The following PURB variants were observed in gnomAD, a reference collection of about 807,000 sequenced individuals.
PURB encodes the protein transcriptional regulator protein Pur-beta.
A neutral mutation model predicts 21.1 loss-of-function variants in PURB; 11 were observed. The observed-to-expected ratio is 0.52, with a 90% CI of 0.33 to 0.86. PURB has a LOEUF of 0.86. Ranked by LOEUF, PURB falls within the 40% of genes least tolerant of loss-of-function variation. The pLI is 0.02. For synonymous variants in PURB, 246 were observed against 210.8 expected (o/e 1.17, Z -1.45); for missense variants, 357 against 456.5 (o/e 0.78, Z 1.99).
chr7:44,884,647 G>T lies in PURB; in HGVS notation c.702C>A (p.Phe234Leu). The T allele has an allele frequency of 6.2e-7, 1 of 1,614,168 alleles. No individual in the cohort carries two copies. The highest frequency in any genetic ancestry group is 8.5e-7 in the Non-Finnish European group (1 of 1,180,034). ...SITVDSKRFF[F>L]DVGCNKYGVF... is the part of the protein sequence containing the mutation. ...CCCCGTATTTGTTGCAGCCCACATC[G>T]AAGAAGAAGCGCTTGGAGTCCACGG... is the stretch of plus-strand genomic sequence containing the variant. Residue 234 changes from phenylalanine to leucine, a missense_variant, in exon 1 of 1, where the codon TTC becomes TTA. Transcript: ENST00000395699.
Position 44,885,174 on chromosome 7 carries a change from G to A in PURB, c.175C>T (p.Leu59Phe). ...CCCGCGCCCACCTCGGCGATCTTGA[G>A]GAAGCGGCCCTTGGCGTTCTGCTTC... ...DVKQNAKGRFLKIAEVGAGGS... is the reference protein window; with the variant it reads ...DVKQNAKGRFFKIAEVGAGGS... Residue 59 changes from leucine to phenylalanine, a missense_variant, in exon 1 of 1, where the codon CTC becomes TTC. Transcript: ENST00000395699. 1 of 1,585,318 alleles carries A rather than the reference G, an allele frequency of 6.3e-7. No individual in the cohort carries two copies. Among genetic ancestry groups the A allele is most frequent in the Non-Finnish European group, 8.5e-7 (1 of 1,170,466 alleles).
At position 44,884,220 on chromosome 7, in the gene PURB, A is replaced by C. The variant is rs1282240597; in HGVS notation, c.*190T>G. ...GTTGCTGTCAGTTCCTTGGAACTTG[A>C]CTGCTTTTCTCAAGTTGTCCGTCAC... is the stretch of plus-strand genomic sequence containing the variant. On this transcript the variant is annotated 3_prime_UTR_variant, in exon 1 of 1. Coordinates refer to ENST00000395699, the MANE Select transcript of PURB (RefSeq NM_033224.5). 1 of 1,333,556 alleles carries C rather than the reference A, an allele frequency of 7.5e-7. No homozygotes were observed. The highest frequency in any genetic ancestry group is 9.9e-7 in the Non-Finnish European group (1 of 1,010,410). 82.6% of individuals were successfully genotyped at this position (1,333,556 alleles called of 1,614,324 possible). A position where few individuals can be genotyped will look rare whatever the true frequency, so the allele number is the denominator to read the frequency against.
Position 44,884,772 on chromosome 7 carries a change from A to G in PURB, c.577T>C (p.Tyr193His). The change falls in exon 1 of 1, where the codon TAC (tyrosine) becomes CAC (histidine). Residue 193 changes from tyrosine to histidine, a missense_variant. Physicochemically the swap from Tyr to His is moderately conservative, Grantham distance 83 (BLOSUM62 2). Coordinates refer to ENST00000395699, the MANE Select transcript of PURB (RefSeq NM_033224.5). ...GCCAGCTCGTCGTCCTCGCCTCCGT[A>G]GTCGTCTATGAGCTTCGCCAGCGCG... Reference protein sequence around the residue: ...RDALAKLIDDYGGEDDELAGG... With the variant: ...RDALAKLIDDHGGEDDELAGG... The G allele has an allele frequency of 1.2e-6, 2 of 1,609,972 alleles. No homozygotes were observed. The highest frequency in any genetic ancestry group is 1.7e-6 in the Non-Finnish European group (2 of 1,178,880).
chr7:44,880,560 A>G lies in PURB; in HGVS notation c.*3850T>C, dbSNP rs1044364506. On this transcript the variant is annotated 3_prime_UTR_variant, in exon 1 of 1. Transcript: ENST00000395699. ...ATTTAACAAAGCATCTTCAGCAACT[A>G]CAGTGCCTGAAGTGTGCAGCCGTTT... is the stretch of plus-strand genomic sequence containing the variant. 6.5e-6 allele frequency: 1 copy of G among 152,674 alleles called. No individual in the cohort carries two copies. The highest frequency in any genetic ancestry group is 1.5e-5 in the Non-Finnish European group (1 of 68,054). The allele number at this position is 152,674 out of a possible 1,614,324, so 9.5% of individuals were successfully genotyped here. A position where few individuals can be genotyped will look rare whatever the true frequency, so the allele number is the denominator to read the frequency against.
At position 44,883,630 on chromosome 7, in the gene PURB, C is replaced by T. The variant is rs1793911912; in HGVS notation, c.*780G>A. The T allele has an allele frequency of 6.6e-6, 1 of 152,598 alleles. No homozygotes were observed. The highest frequency in any genetic ancestry group is 1.9e-4 in the East Asian group (1 of 5,202). The allele number at this position is 152,598 out of a possible 1,614,324, so 9.5% of individuals were successfully genotyped here. ...GCTTTTATCTTTGAAAATTTTTTGT[C>T]AACTTTGAAACTATTTTAGTAACGG... On this transcript the variant is annotated 3_prime_UTR_variant, in exon 1 of 1. Coordinates refer to ENST00000395699, the MANE Select transcript of PURB (RefSeq NM_033224.5).
In PURB at chr7:44,881,673, A is replaced by G. The variant is rs932509812; in HGVS notation, c.*2737T>C. 2.0e-5 allele frequency: 3 copies of G among 153,110 alleles called. No homozygotes were observed. Among genetic ancestry groups the G allele is most frequent in the Admixed American group, 1.3e-4 (2 of 15,284 alleles). 9.5% of individuals were successfully genotyped at this position (153,110 alleles called of 1,614,324 possible). A position where few individuals can be genotyped will look rare whatever the true frequency, so the allele number is the denominator to read the frequency against. ...AGGATTTTCAAATTGATATCTAAAG[A>G]TTTACATATGATATATTACTGTTAC... On this transcript the variant is annotated 3_prime_UTR_variant, in exon 1 of 1. Transcript: ENST00000395699.
rs1282682155 is a variant in PURB, at chr7:44,878,485, T to C, written c.*5925A>G. The C allele has an allele frequency of 2.6e-5, 4 of 152,418 alleles. No individual in the cohort carries two copies. The highest frequency in any genetic ancestry group is 4.4e-5 in the Non-Finnish European group (3 of 68,038). The allele number at this position is 152,418 out of a possible 1,614,324, so 9.4% of individuals were successfully genotyped here. On this transcript the variant is annotated 3_prime_UTR_variant, in exon 1 of 1. Transcript: ENST00000395699. ...AATAAAGCTCTGCTCTTATTAGAAATCATATTGAGCAGTGAAACTACCAAT... is the reference window on the plus strand; with the variant it reads ...AATAAAGCTCTGCTCTTATTAGAAACCATATTGAGCAGTGAAACTACCAAT...
rs780152000 is a variant in PURB, at chr7:44,884,882, C to T, written c.467G>A (p.Gly156Asp). Residue 156 changes from glycine to aspartate, a missense_variant, in exon 1 of 1, where the codon GGC (glycine) becomes GAC (aspartate). Coordinates refer to ENST00000395699, the MANE Select transcript of PURB (RefSeq NM_033224.5). ...IRQTVNRGGG[G>D]FGAGPGPGGL... Reference sequence around the variant, plus strand: ...GCCCGGCCCGGGGCCCGCGCCGAAGCCGCCACCGCCGCGGTTGACCGTTTG... The same window carrying T: ...GCCCGGCCCGGGGCCCGCGCCGAAGTCGCCACCGCCGCGGTTGACCGTTTG... 4 of 1,559,034 alleles carry T rather than the reference C, an allele frequency of 2.6e-6. No individual in the cohort carries two copies. In the South Asian group the frequency reaches 3.5e-5, roughly 14 times the overall value.
Position 44,883,917 on chromosome 7 carries a change from G to A in PURB, c.*493C>T, listed in dbSNP as rs1793916711. 6.4e-6 allele frequency: 1 copy of A among 157,056 alleles called. No homozygotes were observed. Among genetic ancestry groups the A allele is most frequent in the South Asian group, 1.8e-4 (1 of 5,544 alleles). 9.7% of individuals were successfully genotyped at this position (157,056 alleles called of 1,614,324 possible). Reference sequence around the variant, plus strand: ...AGGCCTCTCTTCTCAAGGATTCCATGAAGACCTAGATCCAAAATGCTGATT... The same window carrying A: ...AGGCCTCTCTTCTCAAGGATTCCATAAAGACCTAGATCCAAAATGCTGATT... On this transcript the variant is annotated 3_prime_UTR_variant, in exon 1 of 1. Coordinates refer to ENST00000395699, the MANE Select transcript of PURB (RefSeq NM_033224.5).
Position 44,884,121 on chromosome 7 carries a change from G to C in PURB, c.*289C>G, listed in dbSNP as rs185001470. The C allele has an allele frequency of 1.7e-6, 1 of 574,838 alleles. No individual in the cohort carries two copies. Among genetic ancestry groups the C allele is most frequent in the African/African-American group, 1.9e-5 (1 of 53,272 alleles). 35.6% of individuals were successfully genotyped at this position (574,838 alleles called of 1,614,324 possible). Reference sequence around the variant, plus strand: ...CCAGGGATTATCCTGATGGGTTTACGAACCTCAGTTGAGAAACAACAGAAG... The same window carrying C: ...CCAGGGATTATCCTGATGGGTTTACCAACCTCAGTTGAGAAACAACAGAAG... On this transcript the variant is annotated 3_prime_UTR_variant, in exon 1 of 1. Transcript: ENST00000395699.
At position 44,876,664 on chromosome 7, in the gene PURB, C is replaced by T. The variant is rs115194888; in HGVS notation, c.*7746G>A. The T allele has an allele frequency of 5.2e-5, 8 of 152,756 alleles. No individual in the cohort carries two copies. The East Asian group carries it at 1.5e-3, about 29-fold the overall frequency. The allele number at this position is 152,756 out of a possible 1,614,324, so 9.5% of individuals were successfully genotyped here. A position where few individuals can be genotyped will look rare whatever the true frequency, so the allele number is the denominator to read the frequency against. On this transcript the variant is annotated 3_prime_UTR_variant, in exon 1 of 1. Transcript: ENST00000395699. ...ATTTCTGAATGGGTACTGCACTTCA[C>T]AGATTTGTTTGAATTGCCCATGCAG...
At position 44,881,860 on chromosome 7, in the gene PURB, C is replaced by G. The variant is rs547482196; in HGVS notation, c.*2550G>C. 6.5e-6 allele frequency: 1 copy of G among 154,794 alleles called. No individual in the cohort carries two copies. The highest frequency in any genetic ancestry group is 1.9e-4 in the East Asian group (1 of 5,186). 9.6% of individuals were successfully genotyped at this position (154,794 alleles called of 1,614,324 possible). A position where few individuals can be genotyped will look rare whatever the true frequency, so the allele number is the denominator to read the frequency against. On this transcript the variant is annotated 3_prime_UTR_variant, in exon 1 of 1. Transcript: ENST00000395699. Reference sequence around the variant, plus strand: ...TGGTGAAGGATTGTGAAGACCCTGTCATTTCTACAGAATAGAAAGGCAAGG... The same window carrying G: ...TGGTGAAGGATTGTGAAGACCCTGTGATTTCTACAGAATAGAAAGGCAAGG...
Position 44,885,025 on chromosome 7 carries a change from G to T in PURB, c.324C>A (p.Gly108=), listed in dbSNP as rs768320921. ...GPSSPEQLAA[G]AEEGGGPRRA... ...GCCGCGGCCCGCCGCCCTCCTCGGC[G>T]CCAGCCGCCAGCTGCTCGGGGCTGC... Residue 108 remains glycine (G), a synonymous_variant, in exon 1 of 1, where the codon GGC becomes GGA. Coordinates refer to ENST00000395699, the MANE Select transcript of PURB (RefSeq NM_033224.5). 6.5e-7 allele frequency: 1 copy of T among 1,544,188 alleles called. No individual in the cohort carries two copies. Among genetic ancestry groups the T allele is most frequent in the Non-Finnish European group, 8.7e-7 (1 of 1,146,878 alleles).
Position 44,880,076 on chromosome 7 carries a change from T to C in PURB, c.*4334A>G, listed in dbSNP as rs374836181. 3.9e-5 allele frequency: 6 copies of C among 152,194 alleles called. No individual in the cohort carries two copies. The highest frequency in any genetic ancestry group is 3.8e-4 in the East Asian group (2 of 5,202). 9.4% of individuals were successfully genotyped at this position (152,194 alleles called of 1,614,324 possible). A position where few individuals can be genotyped will look rare whatever the true frequency, so the allele number is the denominator to read the frequency against. On this transcript the variant is annotated 3_prime_UTR_variant, in exon 1 of 1. Transcript: ENST00000395699. The stretch of plus-strand genomic sequence containing the variant: ...CACCACTATATTCTAAAACCTGAGA[T>C]TGGACATCAAAACAGTCAACTTTGT...
At position 44,885,446 on chromosome 7, in the gene PURB, C is replaced by G. The variant is rs1447924554; in HGVS notation, c.-98G>C. 3.3e-6 allele frequency: 1 copy of G among 302,712 alleles called. No individual in the cohort carries two copies. Among genetic ancestry groups the G allele is most frequent in the Non-Finnish European group, 4.8e-6 (1 of 206,410 alleles). 18.8% of individuals were successfully genotyped at this position (302,712 alleles called of 1,614,324 possible). On this transcript the variant is annotated 5_prime_UTR_variant, in exon 1 of 1. Coordinates refer to ENST00000395699, the MANE Select transcript of PURB (RefSeq NM_033224.5). ...CCCCCAGCCTCGCCCGCCCGGCTCG[C>G]TCACGCGCTCCCGCCGCTCATCGCC...
chr7:44,880,962 T>C lies in PURB; in HGVS notation c.*3448A>G, dbSNP rs1172022612. 6.6e-6 allele frequency: 1 copy of C among 152,656 alleles called. No individual in the cohort carries two copies. Among genetic ancestry groups the C allele is most frequent in the Non-Finnish European group, 1.5e-5 (1 of 68,054 alleles). 9.5% of individuals were successfully genotyped at this position (152,656 alleles called of 1,614,324 possible). A position where few individuals can be genotyped will look rare whatever the true frequency, so the allele number is the denominator to read the frequency against. On this transcript the variant is annotated 3_prime_UTR_variant, in exon 1 of 1. Transcript: ENST00000395699. ...CATACAGATTTATATTTTGTTCTTG[T>C]GCAGCATATGCACTGAAAAACTTGC...
Position 44,884,272 on chromosome 7 carries a change from C to A in PURB, c.*138G>T. ...GTTCTCTTACGATTATTTCTCTTAA[C>A]TGTGTTACGTTTTGTTTTTTCCCTC... On this transcript the variant is annotated 3_prime_UTR_variant, in exon 1 of 1. Transcript: ENST00000395699. 1 of 1,456,060 alleles carries A rather than the reference C, an allele frequency of 6.9e-7. No individual in the cohort carries two copies. The highest frequency in any genetic ancestry group is 1.4e-5 in the South Asian group (1 of 70,636). 90.2% of individuals were successfully genotyped at this position (1,456,060 alleles called of 1,614,324 possible). A position where few individuals can be genotyped will look rare whatever the true frequency, so the allele number is the denominator to read the frequency against.
At position 44,880,492 on chromosome 7, in the gene PURB, T is replaced by C. The variant is rs1277757368; in HGVS notation, c.*3918A>G. 1.3e-5 allele frequency: 2 copies of C among 152,680 alleles called. No individual in the cohort carries two copies. The highest frequency in any genetic ancestry group is 1.5e-5 in the Non-Finnish European group (1 of 68,060). 9.5% of individuals were successfully genotyped at this position (152,680 alleles called of 1,614,324 possible). On this transcript the variant is annotated 3_prime_UTR_variant, in exon 1 of 1. Coordinates refer to ENST00000395699, the MANE Select transcript of PURB (RefSeq NM_033224.5). ...GCAAGATAGATGCAAAGTCACCTTG[T>C]GTAGATTACATTCTACACCCCTGTA...
Position 44,885,521 on chromosome 7 carries a change from G to A in PURB, c.-173C>T, listed in dbSNP as rs2128692592. On this transcript the variant is annotated 5_prime_UTR_variant, in exon 1 of 1. In the 5' UTR this introduces an upstream ATG that the reference lacks. Transcript: ENST00000395699. ...TCCGCGCCCCGCCCCCGCGACTTCC[G>A]TGCAGCCCTAGCCACTTCCGGCGCG... 6.2e-6 allele frequency: 1 copy of A among 160,232 alleles called. No individual in the cohort carries two copies. Among genetic ancestry groups the A allele is most frequent in the Non-Finnish European group, 1.3e-5 (1 of 74,882 alleles). The allele number at this position is 160,232 out of a possible 1,614,324, so 9.9% of individuals were successfully genotyped here. A position where few individuals can be genotyped will look rare whatever the true frequency, so the allele number is the denominator to read the frequency against.
Sources: gnomAD v4.1 joint callset for allele counts on GRCh38, gnomAD v4.1.1 for gene constraint, MANE v1.5 for transcripts, NCBI Gene and HGNC (gene_info 2026-07-23, HGNC 2026-07-21) for gene names.